ANAPC16: variants seen among roughly 807,000 people sequenced by gnomAD.
The protein encoded by ANAPC16 is anaphase promoting complex subunit 16.
Under a neutral mutation model 13.1 loss-of-function variants are expected in ANAPC16, and 6 were observed. That is an observed-to-expected ratio of 0.46 (90% CI 0.25 to 0.90). The LOEUF is 0.90. Ranked by LOEUF, ANAPC16 falls within the 40% of genes least tolerant of loss-of-function variation. The pLI, the probability that ANAPC16 is intolerant of heterozygous loss-of-function variation, is 0.18. For synonymous variants in ANAPC16, 55 were observed against 51.3 expected (o/e 1.07, Z -0.31); for missense variants, 113 against 131.1 (o/e 0.86, Z 0.67).
At chr10:72,232,652 G>A (rs1371270100) in intron 3 of ANAPC16, among the ~76,000 whole-genome samples, 3 of 146,196 alleles carry the variant, frequency 2.1e-5, no homozygotes, top group Non-Finnish European at 4.5e-5. Context: ...TCACCAGGCT[G>A]GAATGCAGTG....
chr10:72,217,689 A>C (rs996731411), intron 1 of ANAPC16, among the ~76,000 whole-genome samples: 4 of 152,078 alleles, frequency 2.6e-5, no homozygotes, highest in Non-Finnish European at 1.5e-5. Context: ...TTGAATAGCC[A>C]AGATTTATGA....
chr10:72,222,691 C>T (rs988294484), intron 1 of ANAPC16, among the ~76,000 whole-genome samples: 2 of 152,172 alleles, frequency 1.3e-5, no homozygotes, highest in African/African-American at 2.4e-5. Flanking sequence ...ACAGGAGAAT[C>T]GCTTGAACCT....
chr10:72,221,594 C>CCAG (rs1859935764), intron 1 of ANAPC16, among the ~76,000 whole-genome samples: 2 of 145,610 alleles, frequency 1.4e-5, no homozygotes, highest in Admixed American at 6.9e-5. Context: ...GCTCTGTCAC[C>CCAG]CAGACTGGAG....
In ANAPC16 at chr10:72,230,262, C is replaced by A. The variant is rs968305580; in HGVS notation, c.143-104C>A. 4 of 808,514 alleles carry A rather than the reference C, an allele frequency of 4.9e-6. No homozygotes were observed. The Admixed American group carries it at 8.3e-5, about 17-fold the overall frequency. The allele number at this position is 808,514 out of a possible 1,614,324, so 50.1% of individuals were successfully genotyped here. A position where few individuals can be genotyped will look rare whatever the true frequency, so the allele number is the denominator to read the frequency against. Reference sequence around the variant, plus strand: ...GTCTTTGTAAACACTGAGAACTAGACCCTGAATGTACAAGCAGGGAAAAGA... The same window carrying A: ...GTCTTTGTAAACACTGAGAACTAGAACCTGAATGTACAAGCAGGGAAAAGA... On this transcript the variant is annotated intron_variant, in intron 2 of 3. Transcript: ENST00000299381.
At chr10:72,222,948 G>C (rs1255489087) in intron 1 of ANAPC16, among the ~76,000 whole-genome samples, 1 of 152,132 alleles carries the variant, frequency 6.6e-6, no homozygotes, top group African/African-American at 2.4e-5. Context: ...TATGAAATAG[G>C]ATTAAACACT....
chr10:72,222,862 G>A (rs1859993752), intron 1 of ANAPC16, among the ~76,000 whole-genome samples: 1 of 152,172 alleles, frequency 6.6e-6, no homozygotes, highest in Non-Finnish European at 1.5e-5. Flanking sequence ...TGTGGCAAAG[G>A]GAGGGTTTTG....
chr10:72,221,510 A>G (rs1302033053), intron 1 of ANAPC16, among the ~76,000 whole-genome samples: 1 of 151,054 alleles, frequency 6.6e-6, no homozygotes, highest in Non-Finnish European at 1.5e-5. Flanking sequence ...CATGGCAGAA[A>G]GTTCTATTAG....
intron 1 of ANAPC16, among the ~76,000 whole-genome samples, chr10:72,218,638 A>C (rs1387183326): frequency 6.6e-6 from 1 of 152,196 alleles, no homozygotes; most frequent in Non-Finnish European, 1.5e-5. Context: ...CTTCCTTACT[A>C]TAGGCCAGGT....
intron 1 of ANAPC16, chr10:72,223,084 T>TA (rs1860002619): frequency 7.6e-6 from 1 of 132,006 alleles, no homozygotes; most frequent in African/African-American, 2.9e-5. Flanking sequence ...AAAGGTTAAT[T>TA]TTTTTTTTTT....
At chr10:72,221,459 A>G (rs1217517218) in intron 1 of ANAPC16, among the ~76,000 whole-genome samples, 3 of 151,776 alleles carry the variant, frequency 2.0e-5, no homozygotes, top group African/African-American at 7.3e-5. Context: ...ACTGGCAACC[A>G]TATTGTGCAG....
intron 3 of ANAPC16, 68 bp downstream of exon 3, chr10:72,230,508 C>CA (rs1397605604): frequency 6.1e-6 from 8 of 1,304,180 alleles, no homozygotes; most frequent in Admixed American, 1.7e-5. Context: ...GAGGCTGTGA[C>CA]AAAAATCCCC....
intron 1 of ANAPC16, among the ~76,000 whole-genome samples, chr10:72,221,170 C>T (rs914432634): frequency 3.9e-5 from 6 of 152,210 alleles, no homozygotes; most frequent in African/African-American, 1.4e-4. Flanking sequence ...CCCACCTTGG[C>T]CTCCCAAAGT....
intron 2 of ANAPC16, 80 bp from the exon 3 acceptor site, chr10:72,230,283 AAAG>A: frequency 9.4e-7 from 1 of 1,061,350 alleles, no homozygotes; most frequent in Non-Finnish European, 1.4e-6. Flanking sequence ...CAAGCAGGGA[AAAG>A]AATAGACAAG....
chr10:72,225,995 T>A, intron 2 of ANAPC16, among the ~76,000 whole-genome samples: 1 of 151,668 alleles, frequency 6.6e-6, no homozygotes, highest in East Asian at 1.9e-4. Context: ...TATATATTGA[T>A]CTTTTTTCCT....
intron 1 of ANAPC16, 72 bp from the exon 2 acceptor site, chr10:72,223,816 C>G (rs1860029235): frequency 8.1e-7 from 1 of 1,233,486 alleles, no homozygotes; most frequent in South Asian, 1.8e-5. Flanking sequence ...CTGGCCCTTA[C>G]AGCAGCTAGA....
rs773564558 is a variant in ANAPC16, at chr10:72,216,821, C to T, written c.-28+683C>T. On this transcript the variant is annotated intron_variant, in intron 1 of 3. Coordinates refer to ENST00000299381, the MANE Select transcript of ANAPC16 (RefSeq NM_173473.4). Reference sequence around the variant, plus strand: ...ATCTCCACTGTCAGCCCCAACTTACCTGACAGGGCCAAGTCCCAGGATACT... The same window carrying T: ...ATCTCCACTGTCAGCCCCAACTTACTTGACAGGGCCAAGTCCCAGGATACT... 2.2e-5 allele frequency: 10 copies of T among 456,024 alleles called. 1 individual carries two copies. The highest frequency in any genetic ancestry group is 3.5e-5 in the Non-Finnish European group (8 of 226,952). The allele number at this position is 456,024 out of a possible 1,614,324, so 28.2% of individuals were successfully genotyped here.
chr10:72,232,958 G>A lies in ANAPC16; in HGVS notation c.218-43G>A, dbSNP rs780216097. On this transcript the variant is annotated intron_variant, in intron 3 of 3. Transcript: ENST00000299381. ...TTGGTGGCTGGTGGCAGTCTCTTGG[G>A]TAATACGTTGTTGCATAATATTCTT... 7 of 1,507,110 alleles carry A rather than the reference G, an allele frequency of 4.6e-6. No individual in the cohort carries two copies. In the Admixed American group the frequency reaches 1.2e-4, roughly 25 times the overall value. The allele number at this position is 1,507,110 out of a possible 1,614,324, so 93.4% of individuals were successfully genotyped here. A position where few individuals can be genotyped will look rare whatever the true frequency, so the allele number is the denominator to read the frequency against.
At chr10:72,226,503 G>A (rs2133681311) in intron 2 of ANAPC16, among the ~76,000 whole-genome samples, 1 of 151,930 alleles carries the variant, frequency 6.6e-6, no homozygotes, top group African/African-American at 2.4e-5. Flanking sequence ...ACGAAATCCT[G>A]TCTCTAGAAA....
rs1283993796 is a variant in ANAPC16 at position 72,235,045 on chromosome 10, G to C, written c.*1929G>C. On this transcript the variant is annotated 3_prime_UTR_variant, in exon 4 of 4. Coordinates refer to ENST00000299381, the MANE Select transcript of ANAPC16 (RefSeq NM_173473.4). ...ACACACTTGTAATCCCAGCTACTCA[G>C]GAGGCTGAGGCATGAGAATCGCTTA... The C allele has an allele frequency of 6.6e-6, 1 of 152,324 alleles. No homozygotes were observed. Among genetic ancestry groups the C allele is most frequent in the Non-Finnish European group, 1.5e-5 (1 of 68,246 alleles). The allele number at this position is 152,324 out of a possible 1,614,324, so 9.4% of individuals were successfully genotyped here.
Sources: gnomAD v4.1 joint callset for allele counts (sites outside exome capture counted in the v4.1 genomes callset) on GRCh38, gnomAD v4.1.1 for gene constraint, MANE v1.5 for transcripts, NCBI Gene and HGNC (gene_info 2026-07-23, HGNC 2026-07-21) for gene names.